NLK: variants seen among roughly 807,000 people sequenced by gnomAD.
The protein encoded by NLK is nemo like kinase, also known as serine/threonine-protein kinase NLK.
Under a neutral mutation model 59.0 loss-of-function variants are expected in NLK, and 11 were observed. The observed-to-expected ratio is 0.19, with a 90% CI of 0.12 to 0.31. The LOEUF is 0.31. NLK is among the 10% of genes least tolerant of loss of function. The probability of loss-of-function intolerance (pLI) is 1.00; values close to 1 mark genes in which losing one functional copy is unlikely to be tolerated. For synonymous variants in NLK, 235 were observed against 235.9 expected (o/e 1.00, Z 0.03); for missense variants, 410 against 661.1 (o/e 0.62, Z 4.16).
In NLK at chr17:28,172,577, G is replaced by C. The variant is rs1908507059; in HGVS notation, c.1108G>C (p.Glu370Gln). 1 of 1,597,890 alleles carries C rather than the reference G, an allele frequency of 6.3e-7. No homozygotes were observed. Among genetic ancestry groups the C allele is most frequent in the South Asian group, 1.1e-5 (1 of 88,024 alleles). ...ACTGGAAGCAATGAGGACAGCTTGTGAAGGCGCTAAGGCACATATACTCAG... is the reference window on the plus strand; with the variant it reads ...ACTGGAAGCAATGAGGACAGCTTGTCAAGGCGCTAAGGCACATATACTCAG... ...PSLEAMRTACEGAKAHILRGP... is the reference protein window; with the variant it reads ...PSLEAMRTACQGAKAHILRGP... The change falls in exon 7 of 11, where the codon GAA becomes CAA. Residue 370 changes from glutamate to glutamine, a missense_variant. By Grantham distance (29) the Glu-to-Gln change is conservative. Around this residue, in one of 5 missense-constraint regions of NLK, gnomAD observed 150 missense variants for 244.3 expected, o/e 0.61. Transcript: ENST00000407008.
At chr17:28,135,322 T>C (rs1906697982) in intron 3 of NLK, among the ~76,000 whole-genome samples, 1 of 152,204 alleles carries the variant, frequency 6.6e-6, no homozygotes, top group African/African-American at 2.4e-5. Context: ...TCAAGGTTTT[T>C]ATTGTGGGTC....
intron 7 of NLK, among the ~76,000 whole-genome samples, chr17:28,179,342 A>G (rs1372008242): frequency 6.6e-6 from 1 of 151,822 alleles, no homozygotes. Flanking sequence ...CAATCCTCCC[A>G]CCTCAGCCTC....
chr17:28,115,046 G>A (rs1905702381), intron 1 of NLK, among the ~76,000 whole-genome samples: 1 of 152,190 alleles, frequency 6.6e-6, no homozygotes. Context: ...AGAGGATACT[G>A]GCTCACTTGT....
chr17:28,089,145 C>T (rs773364729), intron 1 of NLK, among the ~76,000 whole-genome samples: 10 of 152,132 alleles, frequency 6.6e-5, no homozygotes, highest in Middle Eastern at 3.2e-3. Context: ...GTTTGATGTA[C>T]GTATACACAT....
intron 1 of NLK, among the ~76,000 whole-genome samples, chr17:28,106,666 G>C (rs1905122400): frequency 6.6e-6 from 1 of 152,160 alleles, no homozygotes; most frequent in South Asian, 2.1e-4. Flanking sequence ...TACTTTTGAC[G>C]TAAATTTTAC....
Position 28,042,759 on chromosome 17 carries a change from G to A in NLK, c.-115G>A, listed in dbSNP as rs1908893463. On this transcript the variant is annotated 5_prime_UTR_variant, in exon 1 of 11. An upstream start codon of the reference 5' UTR is lost. Coordinates refer to ENST00000407008, the MANE Select transcript of NLK (RefSeq NM_016231.5). ...CTCTAACTTGTTTGGATTGACTGAT[G>A]AAGACATAAAGCTCTATGTTTTTTG... is the stretch of plus-strand genomic sequence containing the variant. The A allele has an allele frequency of 2.1e-6, 2 of 941,248 alleles. No individual in the cohort carries two copies. Among genetic ancestry groups the A allele is most frequent in the African/African-American group, 3.3e-5 (2 of 60,238 alleles). 58.3% of individuals were successfully genotyped at this position (941,248 alleles called of 1,614,324 possible). A position where few individuals can be genotyped will look rare whatever the true frequency, so the allele number is the denominator to read the frequency against.
chr17:28,199,245 A>G (rs193106591), downstream of NLK, among the ~76,000 whole-genome samples: 164 of 152,326 alleles, frequency 1.1e-3, no homozygotes, highest in African/African-American at 3.6e-3. Flanking sequence ...ATCCTTGTGC[A>G]TTGCTGCTGA....
rs113889392 is a variant in NLK at position 28,043,303 on chromosome 17, A to G, written c.430A>G (p.Ile144Val). Residue 144 changes from isoleucine to valine, a missense_variant, in exon 1 of 11, where the codon ATT becomes GTT. Physicochemically the swap from Ile to Val is conservative, Grantham distance 29. This residue lies in a region of NLK where 73 missense variants were observed against 197.2 expected (regional missense o/e 0.37). Transcript: ENST00000407008. ...GCTGGATATTGAGCCGGATAGACCTATTGGATATGGAGCCTTTGGTGTTGT... is the reference window on the plus strand; with the variant it reads ...GCTGGATATTGAGCCGGATAGACCTGTTGGATATGGAGCCTTTGGTGTTGT... ...QQLDIEPDRPIGYGAFGVVWS... is the reference protein window; with the variant it reads ...QQLDIEPDRPVGYGAFGVVWS... 2 of 1,582,046 alleles carry G rather than the reference A, an allele frequency of 1.3e-6. No homozygotes were observed. Among genetic ancestry groups the G allele is most frequent in the African/African-American group, 1.4e-5 (1 of 73,208 alleles).
chr17:28,141,396 G>T (rs1358269240), intron 3 of NLK, among the ~76,000 whole-genome samples: 1 of 152,206 alleles, frequency 6.6e-6, no homozygotes, highest in Admixed American at 6.5e-5. Context: ...ACACTGAGTA[G>T]GTAAGGACTA....
chr17:28,061,232 T>A (rs541128376), intron 1 of NLK, among the ~76,000 whole-genome samples: 6 of 152,326 alleles, frequency 3.9e-5, no homozygotes, highest in African/African-American at 1.4e-4. Flanking sequence ...TTTCAGTGTT[T>A]TACCATTCTG....
At chr17:28,049,299 T>C (rs554577861) in intron 1 of NLK, among the ~76,000 whole-genome samples, 4 of 152,318 alleles carry the variant, frequency 2.6e-5, no homozygotes, top group African/African-American at 9.6e-5. Flanking sequence ...TCATAATGAT[T>C]GGTGCTCTTT....
intron 7 of NLK, among the ~76,000 whole-genome samples, chr17:28,179,800 C>T (rs1256726820): frequency 6.6e-6 from 1 of 151,820 alleles, no homozygotes; most frequent in African/African-American, 2.4e-5. Flanking sequence ...CCCACCTTGG[C>T]CTCCCAAAGG....
intron 1 of NLK, among the ~76,000 whole-genome samples, chr17:28,099,244 T>G (rs1904814248): frequency 6.6e-6 from 1 of 152,182 alleles, no homozygotes; most frequent in Non-Finnish European, 1.5e-5. Flanking sequence ...TTTTGTTTTC[T>G]GATTTTGTGT....
chr17:28,097,991 C>G lies in NLK; in HGVS notation c.459-24612C>G, dbSNP rs78814003. Among the ~76,000 whole-genome samples the G allele has an allele frequency of 7.1e-3, 1,085 of 152,168 alleles. 18 individuals are homozygous for G. The highest frequency in any genetic ancestry group is 0.036 in the Admixed American group (543 of 15,294). On this transcript the variant is annotated intron_variant, in intron 1 of 10. Transcript: ENST00000407008. ...TTTGTTTCTTGGCACTTTGCATTTG[C>G]CACTTCTGTAATTTTTTAAGGTGTC...
intron 1 of NLK, among the ~76,000 whole-genome samples, chr17:28,065,770 A>G (rs1285653679): frequency 1.3e-5 from 2 of 152,186 alleles, no homozygotes; most frequent in Admixed American, 1.3e-4. Context: ...CTAGATATTT[A>G]GAAACTTTCA....
chr17:28,193,381 T>C (rs1206953476), intron 10 of NLK, among the ~76,000 whole-genome samples: 2 of 152,192 alleles, frequency 1.3e-5, no homozygotes, highest in South Asian at 4.1e-4. Flanking sequence ...TGGCCAGAAC[T>C]GGTCCATCAA....
intron 1 of NLK, among the ~76,000 whole-genome samples, chr17:28,074,178 T>C (rs1263049636): frequency 6.6e-6 from 1 of 152,214 alleles, no homozygotes; most frequent in Non-Finnish European, 1.5e-5. Context: ...GCTGGGGTGA[T>C]GTAATTTTGG....
Position 28,169,721 on chromosome 17 carries a change from C to CTTTTTTTTT in NLK, c.1047+1074_1047+1082dup, listed in dbSNP as rs1193124964. On this transcript the variant is annotated intron_variant, in intron 6 of 10. Transcript: ENST00000407008. ...TCCTTTTTTTTTGCTGCTTCTTCTT[C>CTTTTTTTTT]TTTTTTTTTTTTTTTTTTGGCCCCT... Among the ~76,000 whole-genome samples, 758 of 111,380 alleles carry CTTTTTTTTT rather than the reference C, an allele frequency of 6.8e-3. 14 individuals carry two copies. Among genetic ancestry groups the CTTTTTTTTT allele is most frequent in the African/African-American group, 0.025 (724 of 29,070 alleles). The allele number at this position is 111,380 out of a possible 152,430, so 73.1% of individuals were successfully genotyped here. A position where few individuals can be genotyped will look rare whatever the true frequency, so the allele number is the denominator to read the frequency against.
chr17:28,108,891 G>A (rs573278120), intron 1 of NLK, among the ~76,000 whole-genome samples: 17 of 152,216 alleles, frequency 1.1e-4, no homozygotes, highest in Admixed American at 2.6e-4. Context: ...ATTTTAGGCC[G>A]GGCGCAGTGG....
Sources: gnomAD v4.1 joint callset for allele counts (sites outside exome capture counted in the v4.1 genomes callset) on GRCh38, gnomAD v4.1.1 for gene constraint, gnomAD v4.1.1 regional missense constraint, MANE v1.5 for transcripts, NCBI Gene and HGNC (gene_info 2026-07-23, HGNC 2026-07-21) for gene names.